MUC4: variants seen among roughly 807,000 people sequenced by gnomAD.
MUC4 encodes the protein mucin-4.
MUC4 carries 202 observed loss-of-function variants against 257.9 expected under a neutral mutation model. The observed-to-expected ratio is 0.78, with a 90% CI of 0.70 to 0.88. The LOEUF is 0.88. Ranked by LOEUF, MUC4 falls within the 40% of genes least tolerant of loss-of-function variation. The probability of loss-of-function intolerance (pLI) is 0.00; values close to 1 mark genes in which losing one functional copy is unlikely to be tolerated. For missense variants in MUC4, 5,976 were observed against 6,513.7 expected (o/e 0.92, Z 2.84); for synonymous variants, 2,351 against 2,757.1 (o/e 0.85, Z 4.62).
Position 195,764,137 on chromosome 3 carries a change from C to A in MUC4, c.13952G>T (p.Cys4651Phe). The A allele has an allele frequency of 6.3e-7, 1 of 1,582,506 alleles. No homozygotes were observed. ...GTAGGGCTTGTCATTCCAGCGGCAG[C>A]ACCAGCTCTGTGGCTCCAGTTCCTG... ...LAQELEPQSW[C>F]CRWNDKPYLC... is the part of the protein sequence containing the mutation. Residue 4651 changes from cysteine to phenylalanine, a missense_variant, in exon 11 of 25, where the codon TGC becomes TTC. Cys to Phe is a radical substitution (Grantham distance 205, BLOSUM62 -2). Around this residue, in one of 44 missense-constraint regions of MUC4, gnomAD observed 996 missense variants for 1,137.3 expected, o/e 0.88. Transcript: ENST00000463781.
chr3:195,754,086 T>A, intron 19 of MUC4, 127 bp downstream of exon 19: 1 of 1,294,410 alleles, frequency 7.7e-7, no homozygotes, highest in Non-Finnish European at 1.1e-6. Flanking sequence ...TTCCCACACC[T>A]GCCTAGATTG....
Position 195,810,483 on chromosome 3 carries a change from G to T in MUC4, c.82+1253C>A, listed in dbSNP as rs1736558733. Among the ~76,000 whole-genome samples, 1 of 152,168 alleles carries T rather than the reference G, an allele frequency of 6.6e-6. No individual in the cohort carries two copies. Among genetic ancestry groups the T allele is most frequent in the Non-Finnish European group, 1.5e-5 (1 of 68,028 alleles). Reference sequence around the variant, plus strand: ...GGAAAGTGTGGGGAAGAGGACGGGGGCCCCCGAGGGAACATCTCCCACAGG... The same window carrying T: ...GGAAAGTGTGGGGAAGAGGACGGGGTCCCCCGAGGGAACATCTCCCACAGG... On this transcript the variant is annotated intron_variant, in intron 1 of 24. Transcript: ENST00000463781. This position sits in a 1 kb window ranked among gnomAD's most constrained non-coding sequence, Gnocchi z 4.2.
intron 16 of MUC4, among the ~76,000 whole-genome samples, chr3:195,759,588 T>G (rs1033928666): frequency 3.3e-5 from 5 of 152,164 alleles, no homozygotes; most frequent in African/African-American, 1.2e-4. Context: ...TACAAAGGGT[T>G]GTACCCTTAG....
In MUC4 at chr3:195,790,893, G is replaced by A. The variant is rs1197677166; in HGVS notation, c.687C>T (p.His229=). ...TSTPSFSPSV[H]NVTGTVSQKT... is the part of the protein sequence containing the mutation. ...TCTGAGAAACAGTCCCTGTCACATTGTGTACACTTGGAGAGAAAGAAGGAG... is the reference window on the plus strand; with the variant it reads ...TCTGAGAAACAGTCCCTGTCACATTATGTACACTTGGAGAGAAAGAAGGAG... The change falls in exon 2 of 25, where the codon CAC becomes CAT. Residue 229 remains histidine, a synonymous_variant. Transcript: ENST00000463781. The A allele has an allele frequency of 3.1e-6, 5 of 1,614,024 alleles. No individual in the cohort carries two copies. The highest frequency in any genetic ancestry group is 4.2e-6 in the Non-Finnish European group (5 of 1,179,886).
Position 195,782,216 on chromosome 3 carries a change from G to T in MUC4, c.9364C>A (p.Pro3122Thr). The T allele has an allele frequency of 7.1e-7, 1 of 1,402,774 alleles. No individual in the cohort carries two copies. 86.9% of individuals were successfully genotyped at this position (1,402,774 alleles called of 1,614,324 possible). The change falls in exon 2 of 25, where the codon CCT (proline) becomes ACT (threonine). Residue 3122 changes from proline (P) to threonine (T), a missense_variant. Pro to Thr is a conservative substitution (Grantham distance 38). Around this residue, in one of 44 missense-constraint regions of MUC4, gnomAD observed 128 missense variants for 104.8 expected, o/e 1.22. Transcript: ENST00000463781. ...GATGCTGAGGAAGTGTCGGTGACAG[G>T]AAGAGGGGTGGTGTGACCTGTGGAT... ...SASTGHTTPL[P>T]VTDTSSASTG...
At chr3:195,801,226 A>G (rs1735265950) in intron 1 of MUC4, among the ~76,000 whole-genome samples, 1 of 152,210 alleles carries the variant, frequency 6.6e-6, no homozygotes, top group Non-Finnish European at 1.5e-5. Context: ...TCAGATTGTC[A>G]GACAACTGAA....
At chr3:195,795,995 T>C (rs534686306) in intron 1 of MUC4, among the ~76,000 whole-genome samples, 1 of 152,116 alleles carries the variant, frequency 6.6e-6, no homozygotes, top group Admixed American at 6.5e-5. Context: ...CTTAGATAAA[T>C]TGGATATACT....
In MUC4 at chr3:195,783,867, T is replaced by A. The variant is rs759362440; in HGVS notation, c.7713A>T (p.Thr2571=). 1 of 1,503,572 alleles carries A rather than the reference T, an allele frequency of 6.7e-7. No homozygotes were observed. The highest frequency in any genetic ancestry group is 8.9e-7 in the Non-Finnish European group (1 of 1,120,480). The allele number at this position is 1,503,572 out of a possible 1,614,324, so 93.1% of individuals were successfully genotyped here. A position where few individuals can be genotyped will look rare whatever the true frequency, so the allele number is the denominator to read the frequency against. Reference sequence around the variant, plus strand: ...TGACAGGAAGAGGGGTGGCGTGACCTGTGGATGCTGCGGAAGTGTCGGTGA... The same window carrying A: ...TGACAGGAAGAGGGGTGGCGTGACCAGTGGATGCTGCGGAAGTGTCGGTGA... ...LPVTDTSAAS[T]GHATPLPVTS... The change falls in exon 2 of 25, where the codon ACA becomes ACT. Residue 2571 remains threonine (T), a synonymous_variant. Transcript: ENST00000463781.
At chr3:195,805,687 G>A (rs1735898775) in intron 1 of MUC4, among the ~76,000 whole-genome samples, 1 of 152,126 alleles carries the variant, frequency 6.6e-6, no homozygotes, top group Admixed American at 6.5e-5. Flanking sequence ...AGTAGAGACG[G>A]GGTTTTGCCA....
Position 195,786,865 on chromosome 3 carries a change from G to C in MUC4, c.4715C>G (p.Thr1572Ser), listed in dbSNP as rs780516841. Reference protein sequence around the residue: ...STGHTTPLPVTSPSSASTGHT... With the variant: ...STGHTTPLPVSSPSSASTGHT... ...ACCTGTAGATGCTGAGGAAGGGCTG[G>C]TGACAGGAAGAGGGGTGGTGTGACC... Residue 1572 changes from threonine to serine, a missense_variant, in exon 2 of 25, where the codon ACC becomes AGC. Physicochemically the swap from Thr to Ser is moderately conservative, Grantham distance 58. Transcript: ENST00000463781. 7 of 1,537,782 alleles carry C rather than the reference G, an allele frequency of 4.6e-6. No individual in the cohort carries two copies. The East Asian group carries it at 1.2e-4, about 27-fold the overall frequency.
chr3:195,754,803 CATGT>C (rs1465293886), intron 18 of MUC4, among the ~76,000 whole-genome samples: 1 of 151,428 alleles, frequency 6.6e-6, no homozygotes, highest in Admixed American at 6.6e-5. Flanking sequence ...TGCATGTATG[CATGT>C]ATGTATCCAT....
At chr3:195,804,022 G>C (rs980484092) in intron 1 of MUC4, among the ~76,000 whole-genome samples, 2 of 152,204 alleles carry the variant, frequency 1.3e-5, no homozygotes, top group Admixed American at 1.3e-4. Context: ...GACACCTTAA[G>C]GTGACAAGAT....
intron 1 of MUC4, among the ~76,000 whole-genome samples, chr3:195,797,473 A>G (rs1005281316): frequency 6.6e-6 from 1 of 152,194 alleles, no homozygotes; most frequent in Non-Finnish European, 1.5e-5. Context: ...CTAGCAAACT[A>G]AAAAGAGACG....
Position 195,747,381 on chromosome 3 carries a change from C to G in MUC4, c.16035-1G>C. 1 of 1,613,476 alleles carries G rather than the reference C, an allele frequency of 6.2e-7. No homozygotes were observed. ...CGTGTAGATGGAGAAGGACACACAG[C>G]TGGTGACCAAGAGAGACAGACAGGC... On this transcript the variant is annotated splice_acceptor_variant, in intron 24 of 24. Transcript: ENST00000463781. LOFTEE classifies it high-confidence loss of function.
Position 195,771,669 on chromosome 3 carries a change from C to T in MUC4, c.13225G>A (p.Gly4409Arg). Residue 4409 changes from glycine to arginine, a missense_variant, in exon 5 of 25, where the codon GGG (glycine) becomes AGG (arginine). By Grantham distance (125) the Gly-to-Arg change is moderately radical. Transcript: ENST00000463781. ...AGGCTCACCTGATAAAATGTGGTCC[C>T]CCGACCAGTGGAGAAGTCAGCATCG... is the stretch of plus-strand genomic sequence containing the variant. ...WDDADFSTGR[G>R]TTFYQEYETF... 1 of 1,613,840 alleles carries T rather than the reference C, an allele frequency of 6.2e-7. No homozygotes were observed. Among genetic ancestry groups the T allele is most frequent in the Non-Finnish European group, 8.5e-7 (1 of 1,179,816 alleles).
intron 1 of MUC4, among the ~76,000 whole-genome samples, chr3:195,802,897 G>A (rs6791220): frequency 0.37 from 56,746 of 151,858 alleles, 13,022 homozygotes; most frequent in African/African-American, 0.64. Context: ...CCTTGAGGCA[G>A]CTGCAAAGGC....
Position 195,763,414 on chromosome 3 carries a change from C to A in MUC4, c.14253+19G>T, listed in dbSNP as rs565851753. ...CCTGTGGGTGGAATGCAGGGAGGTT[C>A]CCGGCACCCCTCACTCACCGTGACG... On this transcript the variant is annotated intron_variant, in intron 12 of 24. Transcript: ENST00000463781. The A allele has an allele frequency of 3.6e-6, 5 of 1,400,766 alleles. No individual in the cohort carries two copies. The Admixed American group carries it at 1.3e-4, about 37-fold the overall frequency. 86.8% of individuals were successfully genotyped at this position (1,400,766 alleles called of 1,614,324 possible).
At chr3:195,756,122 A>C in intron 18 of MUC4, among the ~76,000 whole-genome samples, 1 of 152,180 alleles carries the variant, frequency 6.6e-6, no homozygotes, top group Non-Finnish European at 1.5e-5. Context: ...AGGTGTCAAG[A>C]TAGAGGGACC....
chr3:195,767,359 GCTA>G (rs1381338861), intron 7 of MUC4, among the ~76,000 whole-genome samples: 12 of 148,742 alleles, frequency 8.1e-5, no homozygotes, highest in South Asian at 2.1e-4. Flanking sequence ...TGCCACTGCT[GCTA>G]CCACCACCAC....
Sources: allele counts gnomAD v4.1 joint callset (sites outside exome capture counted in the v4.1 genomes callset), GRCh38; gene constraint gnomAD v4.1.1; regional missense constraint gnomAD v4.1.1; non-coding constraint Gnocchi (gnomAD v3.1); transcripts MANE v1.5; gene names NCBI Gene and HGNC (gene_info 2026-07-23, HGNC 2026-07-21).